Variants in ACAD10 observed in about 807,000 individuals in gnomAD.
ACAD10 encodes ACAD-10.
A neutral mutation model predicts 116.8 loss-of-function variants in ACAD10; 112 were observed. The ratio of observed to expected loss-of-function variants is 0.96; its 90% confidence interval spans 0.82 to 1.12. ACAD10 has a LOEUF of 1.12. Ranked by LOEUF, ACAD10 falls within the 50% of genes most tolerant of loss-of-function variation. ACAD10 has a pLI of 0.00. For synonymous variants in ACAD10, 486 were observed against 510.6 expected, an observed-to-expected ratio of 0.95 and a Z score of 0.65; for missense variants, 1,259 against 1,350.2, an observed-to-expected ratio of 0.93 and a Z score of 1.06.
intron 1 of ACAD10, among the ~76,000 whole-genome samples, chr12:111,687,285 T>C (rs565234730): frequency 6.6e-6 from 1 of 152,342 alleles, no homozygotes; most frequent in South Asian, 2.1e-4. Flanking sequence ...GAAATACGTT[T>C]CCATATGCCC....
intron 1 of ACAD10, among the ~76,000 whole-genome samples, chr12:111,688,835 G>T (rs1252258621): frequency 2.0e-5 from 3 of 151,824 alleles, no homozygotes; most frequent in Non-Finnish European, 4.4e-5. Flanking sequence ...CAAAAAAAGT[G>T]CAGCTCGCTG....
At chr12:111,691,406 A>G (rs1888037625) in intron 1 of ACAD10, among the ~76,000 whole-genome samples, 1 of 152,106 alleles carries the variant, frequency 6.6e-6, no homozygotes, top group African/African-American at 2.4e-5. Flanking sequence ...GGTATCCCCA[A>G]GAGGCTTCAT....
At chr12:111,726,178 T>C (rs115922503) in intron 8 of ACAD10, among the ~76,000 whole-genome samples, 2,375 of 152,114 alleles carry the variant, frequency 0.016, 70 homozygotes, top group African/African-American at 0.054. Context: ...CATTTGAACC[T>C]GAGAGGCAGA....
intron 7 of ACAD10, among the ~76,000 whole-genome samples, chr12:111,720,577 C>G (rs982404235): frequency 6.6e-6 from 1 of 152,146 alleles, no homozygotes; most frequent in Non-Finnish European, 1.5e-5. Flanking sequence ...GTCGTAAAGG[C>G]TGCTTTATTT....
At chr12:111,708,662 A>T (rs1173582419) in intron 4 of ACAD10, among the ~76,000 whole-genome samples, 3 of 151,966 alleles carry the variant, frequency 2.0e-5, no homozygotes, top group African/African-American at 7.3e-5. Context: ...GGCAAGTCAG[A>T]GATTTAGTTC....
rs1225816705 is a variant in ACAD10 at position 111,749,286 on chromosome 12, C to T, written c.2758C>T (p.His920Tyr). The T allele has an allele frequency of 6.2e-7, 1 of 1,613,936 alleles. No individual in the cohort carries two copies. Among genetic ancestry groups the T allele is most frequent in the Non-Finnish European group, 8.5e-7 (1 of 1,180,022 alleles). The change falls in exon 18 of 21, where the codon CAT becomes TAT. Residue 920 changes from histidine to tyrosine, a missense_variant. Transcript: ENST00000313698. ...AQGRLGPGRI[H>Y]HCMRLIGFSE... is the part of the protein sequence containing the mutation. The stretch of plus-strand genomic sequence containing the variant: ...GGGCAGACTGGGCCCCGGCAGGATC[C>T]ATCACTGCATGAGGCTGATCGGGTT...
At chr12:111,710,000 C>G in intron 5 of ACAD10, 2 of 345,828 alleles carry the variant, frequency 5.8e-6, no homozygotes, top group Non-Finnish European at 1.1e-5. Flanking sequence ...AGTGGGGAGC[C>G]AGTGGCCACC....
rs1177532314 is a variant in ACAD10 at position 111,756,721 on chromosome 12, C to G, written c.*248C>G. 1.5e-6 allele frequency: 1 copy of G among 675,656 alleles called. No individual in the cohort carries two copies. The highest frequency in any genetic ancestry group is 3.1e-5 in the East Asian group (1 of 31,796). 41.9% of individuals were successfully genotyped at this position (675,656 alleles called of 1,614,324 possible). On this transcript the variant is annotated 3_prime_UTR_variant, in exon 21 of 21. Transcript: ENST00000313698. ...GGCCAAGGGGGTTCTGGGACAGAGTCTGGAAAGCTGGTCTTCAGGCTCTCA... is the reference window on the plus strand; with the variant it reads ...GGCCAAGGGGGTTCTGGGACAGAGTGTGGAAAGCTGGTCTTCAGGCTCTCA...
chr12:111,749,699 G>T, intron 18 of ACAD10: 1 of 195,304 alleles, frequency 5.1e-6, no homozygotes, highest in Non-Finnish European at 1.0e-5. Context: ...GGTCTAGGTA[G>T]GAGGGTTGCT....
chr12:111,693,555 A>T (rs1230315108), intron 2 of ACAD10, among the ~76,000 whole-genome samples: 1 of 151,758 alleles, frequency 6.6e-6, no homozygotes. Context: ...AACAACCAAA[A>T]ATCCCAAAGA....
At chr12:111,710,329 C>T (rs2135956622) in intron 5 of ACAD10, 1 of 453,918 alleles carries the variant, frequency 2.2e-6, no homozygotes, top group Middle Eastern at 3.3e-4. Context: ...CTCAAGCGAT[C>T]TACCCACCTT....
chr12:111,689,630 G>A (rs1028162562), intron 1 of ACAD10, among the ~76,000 whole-genome samples: 1 of 152,094 alleles, frequency 6.6e-6, no homozygotes, highest in Admixed American at 6.6e-5. Flanking sequence ...GCCTACATTA[G>A]CATCCCAAAG....
intron 12 of ACAD10, among the ~76,000 whole-genome samples, chr12:111,742,218 G>A (rs2135985859): frequency 6.6e-6 from 1 of 152,274 alleles, no homozygotes; most frequent in Middle Eastern, 3.4e-3. Context: ...CAGAGTGGGA[G>A]CCAACCAAAT....
intron 8 of ACAD10, among the ~76,000 whole-genome samples, chr12:111,727,459 G>A (rs1204440369): frequency 6.6e-6 from 1 of 151,984 alleles, no homozygotes; most frequent in Non-Finnish European, 1.5e-5. Flanking sequence ...GGGAGGCGGA[G>A]CTTGCAGTGA....
chr12:111,702,263 AC>A lies in ACAD10; in HGVS notation c.290del (p.Thr97LysfsTer17). 1 of 1,614,194 alleles carries A rather than the reference AC, an allele frequency of 6.2e-7. No homozygotes were observed. The highest frequency in any genetic ancestry group is 2.2e-5 in the East Asian group (1 of 44,888). On this transcript the variant is annotated frameshift_variant, in exon 3 of 21. Transcript: ENST00000313698. LOFTEE classifies it high-confidence loss of function. ...GATGAGATTTATGAGAGCAGAAATA[AC>A]AGCAGAGGGTTTTTTACGAGAATTT... is the stretch of plus-strand genomic sequence containing the variant. ...PWMRFMRAEITAEGFLREFGR... is the reference protein window; with the variant it reads ...PWMRFMRAEIXAEGFLREFGR...
intron 4 of ACAD10, among the ~76,000 whole-genome samples, chr12:111,706,764 A>C (rs1015494694): frequency 7.8e-6 from 1 of 127,704 alleles, no homozygotes; most frequent in African/African-American, 3.0e-5. Flanking sequence ...TTATTTTTTT[A>C]TATATATATA....
chr12:111,744,405 G>A (rs1003699732), intron 12 of ACAD10, among the ~76,000 whole-genome samples: 1 of 152,196 alleles, frequency 6.6e-6, no homozygotes, highest in South Asian at 2.1e-4. Context: ...CTAACTTCCA[G>A]CTCGTCCAAG....
chr12:111,692,618 G>T (rs1888083571), intron 1 of ACAD10, 79 bp from the exon 2 acceptor site: 2 of 1,421,654 alleles, frequency 1.4e-6, no homozygotes, highest in African/African-American at 2.8e-5. Context: ...TGTCTGGCTG[G>T]CCCCTCTGAG....
chr12:111,703,178 G>A (rs1888399893), intron 3 of ACAD10, among the ~76,000 whole-genome samples: 1 of 151,470 alleles, frequency 6.6e-6, no homozygotes, highest in African/African-American at 2.4e-5. Flanking sequence ...TGAAGGATAC[G>A]AATGAACAGC....
Sources: gnomAD v4.1 joint callset for allele counts (sites outside exome capture counted in the v4.1 genomes callset) on GRCh38, gnomAD v4.1.1 for gene constraint, MANE v1.5 for transcripts, NCBI Gene and HGNC (gene_info 2026-07-23, HGNC 2026-07-21) for gene names.